Variants in MEDAG observed in about 807,000 individuals in gnomAD.
The protein encoded by MEDAG is mesenteric estrogen dependent adipogenesis.
In MEDAG, 25 loss-of-function variants were observed where a neutral mutation model predicts 29.9. The observed-to-expected ratio is 0.84, with a 90% confidence interval of 0.61 to 1.17. The LOEUF (loss-of-function observed/expected upper bound fraction) is 1.17, where lower values mean the gene tolerates loss of function less well. Among genes scored for constraint, MEDAG ranks in the 50% most tolerant of loss-of-function variants. MEDAG has a pLI of 0.00. For missense variants in MEDAG, 398 were observed against 372.9 expected (o/e 1.07, Z -0.56); for synonymous variants, 158 against 148.2 (o/e 1.07, Z -0.48).
intron 3 of MEDAG, 61 bp downstream of exon 3, chr13:30,921,187 A>C: frequency 2.1e-6 from 3 of 1,414,074 alleles, no homozygotes; most frequent in Non-Finnish European, 3.0e-6. Context: ...TGTGCATTTC[A>C]TGCAGGAACT....
chr13:30,909,915 C>T (rs186687403), intron 1 of MEDAG, among the ~76,000 whole-genome samples: 1 of 152,128 alleles, frequency 6.6e-6, no homozygotes, highest in Admixed American at 6.5e-5. Flanking sequence ...TAAGTACATA[C>T]CTACTAAGTA....
chr13:30,924,469 T>G lies in MEDAG; in HGVS notation c.*34T>G, dbSNP rs1953021827. 6.2e-7 allele frequency: 1 copy of G among 1,609,052 alleles called. No individual in the cohort carries two copies. The highest frequency in any genetic ancestry group is 1.1e-5 in the South Asian group (1 of 90,052). ...AACATTGTAGCAGTTGCTCCCGCACTCCAGGCCTGTGCTAGACTATAGGCT... is the reference window on the plus strand; with the variant it reads ...AACATTGTAGCAGTTGCTCCCGCACGCCAGGCCTGTGCTAGACTATAGGCT... On this transcript the variant is annotated 3_prime_UTR_variant, in exon 5 of 5. Transcript: ENST00000380482.
chr13:30,924,812 T>A lies in MEDAG; in HGVS notation c.*377T>A, dbSNP rs566633819. 1 of 161,926 alleles carries A rather than the reference T, an allele frequency of 6.2e-6. No individual in the cohort carries two copies. The highest frequency in any genetic ancestry group is 2.4e-5 in the African/African-American group (1 of 41,814). 10.0% of individuals were successfully genotyped at this position (161,926 alleles called of 1,614,324 possible). A position where few individuals can be genotyped will look rare whatever the true frequency, so the allele number is the denominator to read the frequency against. On this transcript the variant is annotated 3_prime_UTR_variant, in exon 5 of 5. Transcript: ENST00000380482. ...TGTGGCAGCCTTTGTGGGAGTGGTC[T>A]GACTGGCTGTTGACCTAGCATGCTT...
At chr13:30,906,852 CG>C in intron 1 of MEDAG, 59 bp downstream of exon 1, 2 of 1,400,948 alleles carry the variant, frequency 1.4e-6, no homozygotes, top group South Asian at 3.1e-5. Flanking sequence ...CGCCTCCACC[CG>C]GCTGCGGTCT....
chr13:30,915,598 C>T (rs1483944536), intron 1 of MEDAG, among the ~76,000 whole-genome samples: 1 of 152,016 alleles, frequency 6.6e-6, no homozygotes, highest in East Asian at 1.9e-4. Flanking sequence ...AGTTGGTCAA[C>T]TGGGATAAAA....
chr13:30,910,248 G>A (rs1952869898), intron 1 of MEDAG, among the ~76,000 whole-genome samples: 1 of 150,988 alleles, frequency 6.6e-6, no homozygotes, highest in Non-Finnish European at 1.5e-5. Flanking sequence ...GCCTCTTGGT[G>A]AAATATAATG....
intron 1 of MEDAG, chr13:30,908,931 T>G (rs922276184): frequency 2.0e-5 from 3 of 152,052 alleles, no homozygotes; most frequent in Admixed American, 6.6e-5. Flanking sequence ...GAGGCCAGCT[T>G]GGGCAACATA....
chr13:30,910,193 A>ACACACACACAC (rs1555264548), intron 1 of MEDAG, among the ~76,000 whole-genome samples: 2 of 149,170 alleles, frequency 1.3e-5, no homozygotes, highest in Non-Finnish European at 1.5e-5. Context: ...CACACACACA[A>ACACACACACAC]ACACACACAC....
rs771810248 is a variant in MEDAG at position 30,921,055 on chromosome 13, A to G, written c.430A>G (p.Ile144Val). 18 of 1,614,054 alleles carry G rather than the reference A, an allele frequency of 1.1e-5. No homozygotes were observed. Among genetic ancestry groups the G allele is most frequent in the Non-Finnish European group, 1.5e-5 (18 of 1,180,038 alleles). Residue 144 changes from isoleucine (I) to valine (V), a missense_variant, in exon 3 of 5, where the codon ATA becomes GTA. Coordinates refer to ENST00000380482, the MANE Select transcript of MEDAG (RefSeq NM_032849.4). ...TCTTGTAAACACGAGGCACCCCAAG[A>G]TAAGAAGACAGATAGAGCAAGGGAT... ...AFLVNTRHPKIRRQIEQGMDM... is the reference protein window; with the variant it reads ...AFLVNTRHPKVRRQIEQGMDM...
intron 1 of MEDAG, 88 bp downstream of exon 1, chr13:30,906,881 C>G: frequency 7.6e-7 from 1 of 1,309,362 alleles, no homozygotes; most frequent in Non-Finnish European, 1.0e-6. Context: ...CCTGGGCTGT[C>G]CTCGCTGCCT....
At chr13:30,923,787 A>G (rs1436536030) in intron 4 of MEDAG, among the ~76,000 whole-genome samples, 4 of 152,192 alleles carry the variant, frequency 2.6e-5, no homozygotes, top group African/African-American at 7.2e-5. Flanking sequence ...ACTGAGGAAC[A>G]TTTGAAGTTA....
chr13:30,909,893 T>C (rs557644209), intron 1 of MEDAG, among the ~76,000 whole-genome samples: 12 of 152,294 alleles, frequency 7.9e-5, no homozygotes, highest in African/African-American at 2.9e-4. Context: ...TCTAATACTT[T>C]AACATTTTTT....
chr13:30,911,010 C>A (rs967528406), intron 1 of MEDAG, among the ~76,000 whole-genome samples: 1 of 152,202 alleles, frequency 6.6e-6, no homozygotes, highest in Non-Finnish European at 1.5e-5. Flanking sequence ...AAATAATAAC[C>A]ATCCATGCAT....
intron 1 of MEDAG, among the ~76,000 whole-genome samples, chr13:30,914,938 C>A (rs1952913052): frequency 6.6e-6 from 1 of 152,138 alleles, no homozygotes; most frequent in African/African-American, 2.4e-5. Flanking sequence ...AGAGGAATCT[C>A]CCCGAGGAAT....
At chr13:30,907,204 G>A (rs1188239146) in intron 1 of MEDAG, among the ~76,000 whole-genome samples, 1 of 152,212 alleles carries the variant, frequency 6.6e-6, no homozygotes, top group Non-Finnish European at 1.5e-5. Context: ...TTTGGAGCAT[G>A]GGTGGCGGTG....
chr13:30,909,116 CAAAA>C (rs10708028), intron 1 of MEDAG: 20 of 83,482 alleles, frequency 2.4e-4, no homozygotes, highest in Non-Finnish European at 2.1e-4. Context: ...GACCCTGTCT[CAAAA>C]AAAAAAAAAA....
At chr13:30,912,769 G>A (rs557701194) in intron 1 of MEDAG, among the ~76,000 whole-genome samples, 1 of 152,144 alleles carries the variant, frequency 6.6e-6, no homozygotes, top group Non-Finnish European at 1.5e-5. Flanking sequence ...AAAAAATGAG[G>A]AAAGAAATTG....
chr13:30,916,255 G>A (rs1392237019), intron 1 of MEDAG: 1 of 152,262 alleles, frequency 6.6e-6, no homozygotes, highest in African/African-American at 2.4e-5. Flanking sequence ...CCCTCCGAGG[G>A]ATGGTGGGAA....
chr13:30,913,680 T>C (rs554199311), intron 1 of MEDAG, among the ~76,000 whole-genome samples: 1 of 152,350 alleles, frequency 6.6e-6, no homozygotes, highest in African/African-American at 2.4e-5. Context: ...CTAATGATAA[T>C]AATTTCAGCA....
Sources: gnomAD v4.1 joint callset for allele counts (sites outside exome capture counted in the v4.1 genomes callset) on GRCh38, gnomAD v4.1.1 for gene constraint, MANE v1.5 for transcripts, NCBI Gene and HGNC (gene_info 2026-07-23, HGNC 2026-07-21) for gene names.